Variants in PKHD1 observed in about 807,000 individuals in gnomAD.
PKHD1 encodes fibrocystin.
PKHD1 carries 291 observed loss-of-function variants against 412.0 expected under a neutral mutation model. That is an observed-to-expected ratio of 0.71 (90% CI 0.64 to 0.78). PKHD1 has a LOEUF of 0.78. Among genes scored for constraint, PKHD1 ranks in the 30% least tolerant of loss-of-function variants. The probability of loss-of-function intolerance (pLI) is 0.00; values close to 1 mark genes in which losing one functional copy is unlikely to be tolerated. For missense variants in PKHD1, 4,825 were observed against 4,950.7 expected (o/e 0.97, Z 0.76); for synonymous variants, 1,777 against 1,821.5 (o/e 0.98, Z 0.62).
chr6:52,005,619 G>A (rs1049192075), intron 35 of PKHD1, among the ~76,000 whole-genome samples: 1 of 152,012 alleles, frequency 6.6e-6, no homozygotes, highest in Non-Finnish European at 1.5e-5. Context: ...TCCCAACTCC[G>A]AGCCCCTACT....
At position 52,069,531 on chromosome 6, in the gene PKHD1, C is replaced by A; in HGVS notation, c.708-4G>T. On this transcript the variant is annotated splice_region_variant and splice_polypyrimidine_tract_variant and intron_variant, in intron 10 of 66. Transcript: ENST00000371117. ...TGCCTTCTTGTGGACCATTGACCTT[C>A]GAAAAAGACAAAGTTCTGTTTTGAA... 1 of 1,610,644 alleles carries A rather than the reference C, an allele frequency of 6.2e-7. No individual in the cohort carries two copies. The highest frequency in any genetic ancestry group is 8.5e-7 in the Non-Finnish European group (1 of 1,176,942).
intron 36 of PKHD1, among the ~76,000 whole-genome samples, chr6:51,935,935 C>T (rs1787403432): frequency 1.3e-5 from 2 of 152,188 alleles, no homozygotes; most frequent in Admixed American, 1.3e-4. Flanking sequence ...TCACCAAGGC[C>T]TTCCCTCTCC....
In PKHD1 at chr6:52,082,509, C is replaced by A. The variant is rs148070358; in HGVS notation, c.164G>T (p.Gly55Val). Residue 55 changes from glycine (G) to valine (V), a missense_variant, in exon 4 of 67, where the codon GGC (glycine) becomes GTC (valine). Physicochemically the swap from Gly to Val is moderately radical, Grantham distance 109 (BLOSUM62 -3). Coordinates refer to ENST00000371117, the MANE Select transcript of PKHD1 (RefSeq NM_138694.4). Reference sequence around the variant, plus strand: ...CACCAGGTGTATCTCCAATTGAGAGCCATTGTTGGGGTAAAGAACACCCAA... The same window carrying A: ...CACCAGGTGTATCTCCAATTGAGAGACATTGTTGGGGTAAAGAACACCCAA... ...LELGVLYPNN[G>V]SQLEIHLVNV... 1 of 1,613,928 alleles carries A rather than the reference C, an allele frequency of 6.2e-7. No homozygotes were observed. The highest frequency in any genetic ancestry group is 1.3e-5 in the African/African-American group (1 of 74,898).
At chr6:51,845,679 A>C (rs1485224942) in intron 50 of PKHD1, among the ~76,000 whole-genome samples, 1 of 152,238 alleles carries the variant, frequency 6.6e-6, no homozygotes, top group Non-Finnish European at 1.5e-5. Context: ...TCTACATATA[A>C]GCACACATGC....
At chr6:51,747,265 G>A (rs1399499142) in intron 58 of PKHD1, among the ~76,000 whole-genome samples, 1 of 152,156 alleles carries the variant, frequency 6.6e-6, no homozygotes, top group African/African-American at 2.4e-5. Context: ...CACCAGTCGT[G>A]TCACAACTTT....
chr6:51,794,616 T>A (rs1416730246), intron 52 of PKHD1, among the ~76,000 whole-genome samples: 1 of 152,208 alleles, frequency 6.6e-6, no homozygotes, highest in Non-Finnish European at 1.5e-5. Flanking sequence ...CTGAATGGTA[T>A]TGCCTAAATT....
At chr6:52,021,379 T>C (rs968204958) in intron 33 of PKHD1, among the ~76,000 whole-genome samples, 2 of 152,236 alleles carry the variant, frequency 1.3e-5, no homozygotes, top group Non-Finnish European at 2.9e-5. Flanking sequence ...TGTTTTGAAA[T>C]AATAACACGG....
chr6:52,042,241 T>C (rs916956646), intron 27 of PKHD1, among the ~76,000 whole-genome samples: 1 of 152,226 alleles, frequency 6.6e-6, no homozygotes, highest in Admixed American at 6.5e-5. Flanking sequence ...AATGAGTTTG[T>C]GGCCAAACCA....
chr6:51,797,182 AG>A (rs1300208487), intron 52 of PKHD1, among the ~76,000 whole-genome samples: 1 of 152,094 alleles, frequency 6.6e-6, no homozygotes, highest in Admixed American at 6.6e-5. Context: ...TTATTATTTC[AG>A]TTCTTCTGCA....
chr6:52,083,484 G>C (rs1476181505), intron 2 of PKHD1, among the ~76,000 whole-genome samples: 3 of 152,164 alleles, frequency 2.0e-5, no homozygotes, highest in Non-Finnish European at 2.9e-5. Context: ...ATCATCAGAA[G>C]CCCCATTTTA....
At chr6:51,750,142 C>T (rs1785844612) in intron 57 of PKHD1, among the ~76,000 whole-genome samples, 2 of 152,062 alleles carry the variant, frequency 1.3e-5, no homozygotes, top group African/African-American at 4.8e-5. Flanking sequence ...GAAAGACAGG[C>T]TAAGTAAAGG....
intron 53 of PKHD1, among the ~76,000 whole-genome samples, chr6:51,789,389 C>T (rs1339824581): frequency 6.6e-6 from 1 of 151,936 alleles, no homozygotes; most frequent in African/African-American, 2.4e-5. Context: ...ACAATAGAAA[C>T]ATGGCTAAAT....
intron 22 of PKHD1, among the ~76,000 whole-genome samples, chr6:52,049,523 A>T (rs528160197): frequency 1.3e-5 from 2 of 152,306 alleles, no homozygotes; most frequent in East Asian, 3.9e-4. Context: ...AGAGCACTCA[A>T]TTCTTCCCAT....
At position 51,983,204 on chromosome 6, in the gene PKHD1, A is replaced by C. The variant is rs7746758; in HGVS notation, c.5752-23178T>G. On this transcript the variant is annotated intron_variant, in intron 35 of 66. Coordinates refer to ENST00000371117, the MANE Select transcript of PKHD1 (RefSeq NM_138694.4). ...AGTAAATTGAGACTAGGTTAAACAA[A>C]ATTTTTTTAAATTTAATTTTCTACG... Among the ~76,000 whole-genome samples, 1,337 of 152,336 alleles carry C rather than the reference A, an allele frequency of 8.8e-3. 19 individuals carry two copies. The highest frequency in any genetic ancestry group is 0.029 in the African/African-American group (1,197 of 41,568).
chr6:51,748,380 G>A lies in PKHD1; in HGVS notation c.9236C>T (p.Ala3079Val), dbSNP rs201333886. The A allele has an allele frequency of 8.7e-6, 14 of 1,613,940 alleles. No homozygotes were observed. Among genetic ancestry groups the A allele is most frequent in the Middle Eastern group, 1.7e-4 (1 of 6,060 alleles). Residue 3079 changes from alanine (A) to valine (V), a missense_variant, in exon 58 of 67, where the codon GCG (alanine) becomes GTG (valine). By Grantham distance (64) the Ala-to-Val change is moderately conservative. Coordinates refer to ENST00000371117, the MANE Select transcript of PKHD1 (RefSeq NM_138694.4). ...TQPAWSTIWVAGIKVNQVKDI... is the reference protein window; with the variant it reads ...TQPAWSTIWVVGIKVNQVKDI... ...CTTTACCTGGTTCACTTTGATTCCC[G>A]CCACCCAAATGGTGGACCACGCTGG...
At chr6:52,083,449 C>A (rs1313940822) in intron 2 of PKHD1, among the ~76,000 whole-genome samples, 194 bp from the exon 3 acceptor site, 2 of 152,204 alleles carry the variant, frequency 1.3e-5, no homozygotes, top group Admixed American at 6.5e-5. Context: ...CATTTCTAAC[C>A]AGGTGCTGCT....
intron 60 of PKHD1, among the ~76,000 whole-genome samples, chr6:51,681,402 C>T (rs1342914944): frequency 1.3e-5 from 2 of 152,006 alleles, no homozygotes; most frequent in Non-Finnish European, 2.9e-5. Context: ...ACTGCTATTG[C>T]CCCTTAACTA....
At chr6:51,980,997 T>C (rs1322830217) in intron 35 of PKHD1, among the ~76,000 whole-genome samples, 1 of 152,146 alleles carries the variant, frequency 6.6e-6, no homozygotes, top group Non-Finnish European at 1.5e-5. Context: ...CTTTTTAAAA[T>C]GTCTAAATAA....
chr6:51,979,175 A>C (rs1794823399), intron 35 of PKHD1, among the ~76,000 whole-genome samples: 3 of 152,134 alleles, frequency 2.0e-5, no homozygotes, highest in Admixed American at 2.0e-4. Flanking sequence ...ATAGAGAAGA[A>C]AAGACCATAC....
Sources: allele counts gnomAD v4.1 joint callset (sites outside exome capture counted in the v4.1 genomes callset), GRCh38; gene constraint gnomAD v4.1.1; transcripts MANE v1.5; gene names NCBI Gene and HGNC (gene_info 2026-07-23, HGNC 2026-07-21).